Variants in AAAS observed in about 807,000 individuals in gnomAD.
The protein encoded by AAAS is aladin.
In AAAS, 60 loss-of-function variants were observed where a neutral mutation model predicts 75.6. That is an observed-to-expected ratio of 0.79 (90% CI 0.64 to 0.98). The LOEUF is 0.98. AAAS is among the 50% of genes least tolerant of loss of function. AAAS has a pLI of 0.00. For missense variants in AAAS, 658 were observed against 686.9 expected (o/e 0.96, Z 0.47); for synonymous variants, 271 against 265.0 (o/e 1.02, Z -0.22).
At chr12:53,312,770 C>A (rs944333861) in intron 7 of AAAS, among the ~76,000 whole-genome samples, 7 of 149,218 alleles carry the variant, frequency 4.7e-5, no homozygotes, top group Non-Finnish European at 1.0e-4. Context: ...TACGTATATA[C>A]ACGTATACAT....
Position 53,321,401 on chromosome 12 carries a change from T to C in AAAS, c.65A>G (p.Asn22Ser), listed in dbSNP as rs774899476. Residue 22 changes from asparagine to serine, a missense_variant, in exon 1 of 16, where the codon AAT becomes AGT. Transcript: ENST00000209873. ...GCTACTGCCCGTCACCAGCTCGTTATTGTGCTCATATAGGGTGACTTGACC... is the reference window on the plus strand; with the variant it reads ...GCTACTGCCCGTCACCAGCTCGTTACTGTGCTCATATAGGGTGACTTGACC... ...PRGQVTLYEH[N>S]NELVTGSSYE... 17 of 1,614,220 alleles carry C rather than the reference T, an allele frequency of 1.1e-5. No homozygotes were observed. Among genetic ancestry groups the C allele is most frequent in the African/African-American group, 1.3e-5 (1 of 75,068 alleles).
At chr12:53,319,894 G>C (rs1183136534) in intron 2 of AAAS, among the ~76,000 whole-genome samples, 2 of 151,752 alleles carry the variant, frequency 1.3e-5, no homozygotes, top group African/African-American at 2.4e-5. Context: ...GCCAAGGCGG[G>C]CACATCATCT....
intron 7 of AAAS, among the ~76,000 whole-genome samples, chr12:53,310,132 T>C (rs1220379948): frequency 6.6e-6 from 1 of 152,216 alleles, no homozygotes; most frequent in Non-Finnish European, 1.5e-5. Context: ...ATGACATTAC[T>C]TCAAGGTTCC....
intron 13 of AAAS, 62 bp downstream of exon 13, chr12:53,308,214 AGGGCAC>A: frequency 6.2e-7 from 1 of 1,610,270 alleles, no homozygotes. Flanking sequence ...ACTCCAGGCC[AGGGCAC>A]GGCCTCATTA....
intron 1 of AAAS, 91 bp downstream of exon 1, chr12:53,321,252 G>T: frequency 6.4e-7 from 1 of 1,558,862 alleles, no homozygotes; most frequent in East Asian, 2.3e-5. Flanking sequence ...CAGACTCTGT[G>T]ACCCTGCCCC....
At chr12:53,315,608 G>C in intron 3 of AAAS, 119 bp downstream of exon 3, 1 of 1,339,518 alleles carries the variant, frequency 7.5e-7, no homozygotes, top group Non-Finnish European at 1.0e-6. Flanking sequence ...GTAGGTAGAG[G>C]AGAGGACAGG....
At chr12:53,309,940 T>G in intron 7 of AAAS, 2 of 655,746 alleles carry the variant, frequency 3.0e-6, no homozygotes, top group East Asian at 2.9e-5. Flanking sequence ...AGAGAAGAGG[T>G]AATCTGCAAG....
intron 7 of AAAS, 163 bp from the exon 8 acceptor site, chr12:53,309,884 A>G (rs1944359449): frequency 8.5e-7 from 1 of 1,181,792 alleles, no homozygotes; most frequent in Non-Finnish European, 1.2e-6. Context: ...TAAAAGAAAA[A>G]AACAGCGAAG....
At chr12:53,308,198 A>G (rs1160771197) in intron 13 of AAAS, 65 bp from the exon 14 acceptor site, 4 of 1,611,474 alleles carry the variant, frequency 2.5e-6, no homozygotes, top group East Asian at 2.2e-5. Flanking sequence ...ACATGGGCAG[A>G]GGAGAACTCC....
rs183438857 is a variant in AAAS at position 53,319,997 on chromosome 12, G to A, written c.251+568C>T. On this transcript the variant is annotated intron_variant, in intron 2 of 15. Coordinates refer to ENST00000209873, the MANE Select transcript of AAAS (RefSeq NM_015665.6). ...TAGCTGGGCGTGGTGGCACATGCCT[G>A]TAATCCTAGCTACTCGGGAGACTGA... Among the ~76,000 whole-genome samples, 263 of 151,296 alleles carry A rather than the reference G, an allele frequency of 1.7e-3. 7 individuals carry two copies. In the East Asian group the frequency reaches 0.04, roughly 23 times the overall value.
intron 7 of AAAS, among the ~76,000 whole-genome samples, chr12:53,310,602 T>C (rs1944374532): frequency 6.8e-6 from 1 of 146,524 alleles, no homozygotes; most frequent in Non-Finnish European, 1.5e-5. Flanking sequence ...TCGGCCTCCA[T>C]CACCAGCAGG....
In AAAS at chr12:53,308,337, C is replaced by G. The variant is rs767821953; in HGVS notation, c.1194G>C (p.Glu398Asp). The G allele has an allele frequency of 5.6e-6, 9 of 1,614,164 alleles. No individual in the cohort carries two copies. The South Asian group carries it at 9.9e-5, about 18-fold the overall frequency. ...TGGGGTCCCAGACCATGGAGTGAGC[C>G]TCTCCCCCAAGCCTGTGGGTAAGGA... The part of the protein sequence containing the change: ...TPDGEERLGG[E>D]AHSMVWDPSG... Residue 398 changes from glutamate (E) to aspartate (D), a missense_variant, in exon 13 of 16, where the codon GAG becomes GAC. Coordinates refer to ENST00000209873, the MANE Select transcript of AAAS (RefSeq NM_015665.6).
chr12:53,308,345 C>G lies in AAAS; in HGVS notation c.1186G>C (p.Gly396Arg). Reference protein sequence around the residue: ...IQTPDGEERLGGEAHSMVWDP... With the variant: ...IQTPDGEERLRGEAHSMVWDP... ...CAGACCATGGAGTGAGCCTCTCCCCCAAGCCTGTGGGTAAGGACAGGTTAG... is the reference window on the plus strand; with the variant it reads ...CAGACCATGGAGTGAGCCTCTCCCCGAAGCCTGTGGGTAAGGACAGGTTAG... The change falls in exon 13 of 16, where the codon GGG becomes CGG. Residue 396 changes from glycine to arginine, a missense_variant. Physicochemically the swap from Gly to Arg is moderately radical, Grantham distance 125 (BLOSUM62 -2). Coordinates refer to ENST00000209873, the MANE Select transcript of AAAS (RefSeq NM_015665.6). 2.5e-6 allele frequency: 4 copies of G among 1,614,182 alleles called. No homozygotes were observed. Among genetic ancestry groups the G allele is most frequent in the Non-Finnish European group, 3.4e-6 (4 of 1,180,030 alleles).
chr12:53,317,298 C>T (rs1372929444), intron 2 of AAAS, among the ~76,000 whole-genome samples: 1 of 152,012 alleles, frequency 6.6e-6, no homozygotes, highest in African/African-American at 2.4e-5. Flanking sequence ...TGGCTCACAC[C>T]TGTAATCCCA....
At position 53,309,454 on chromosome 12, in the gene AAAS, C is replaced by T. The variant is rs189867598; in HGVS notation, c.810+147G>A. ...ACAGACAGCGGAATTTTAAACCTCA[C>T]GAGTCTGATGGCAAAGCTCCTCTCT... On this transcript the variant is annotated intron_variant, in intron 8 of 15. Transcript: ENST00000209873. 51 of 1,524,120 alleles carry T rather than the reference C, an allele frequency of 3.3e-5. No homozygotes were observed. The African/African-American group carries it at 4.9e-4, about 15-fold the overall frequency. 94.4% of individuals were successfully genotyped at this position (1,524,120 alleles called of 1,614,324 possible).
At chr12:53,316,123 G>A (rs933499278) in intron 2 of AAAS, among the ~76,000 whole-genome samples, 1 of 152,222 alleles carries the variant, frequency 6.6e-6, no homozygotes, top group Non-Finnish European at 1.5e-5. Flanking sequence ...ATTTTAGAAA[G>A]AGCAGTCTGG....
chr12:53,321,141 C>T (rs531599667), intron 1 of AAAS: 2 of 760,656 alleles, frequency 2.6e-6, no homozygotes, highest in South Asian at 3.7e-5. Flanking sequence ...AGGCCTCCTC[C>T]ACAGCTCCTT....
At chr12:53,308,179 A>T in intron 13 of AAAS, 46 bp from the exon 14 acceptor site, 1 of 1,612,234 alleles carries the variant, frequency 6.2e-7, no homozygotes, top group Non-Finnish European at 8.5e-7. Flanking sequence ...CTGAAGGCAG[A>T]GTCCCAGGAC....
Position 53,321,587 on chromosome 12 carries a change from G to A in AAAS, c.-122C>T, listed in dbSNP as rs756769519. 3.8e-5 allele frequency: 59 copies of A among 1,545,738 alleles called. No individual in the cohort carries two copies. The highest frequency in any genetic ancestry group is 1.9e-4 in the South Asian group (17 of 89,336). ...CGGACGGGTACCGCAAGGGACAAAC[G>A]GCGAGGCGGAACTCAACGGAAGTGA... On this transcript the variant is annotated 5_prime_UTR_variant, in exon 1 of 16. Transcript: ENST00000209873.
Sources: allele counts gnomAD v4.1 joint callset (sites outside exome capture counted in the v4.1 genomes callset), GRCh38; gene constraint gnomAD v4.1.1; transcripts MANE v1.5; gene names NCBI Gene and HGNC (gene_info 2026-07-23, HGNC 2026-07-21).